Variants in CEACAM19 observed in about 807,000 individuals in gnomAD.
CEACAM19 encodes cell adhesion molecule CEACAM19.
A neutral mutation model predicts 37.6 loss-of-function variants in CEACAM19; 37 were observed. The ratio of observed to expected loss-of-function variants is 0.98; its 90% CI spans 0.76 to 1.29. The LOEUF (loss-of-function observed/expected upper bound fraction) is 1.29. Ranked by LOEUF, CEACAM19 falls within the 50% of genes most tolerant of loss-of-function variation. CEACAM19 has a pLI of 0.00. For synonymous variants in CEACAM19, 140 were observed against 149.8 expected (o/e 0.93, Z 0.48); for missense variants, 340 against 375.6 (o/e 0.91, Z 0.78).
rs765102638 is a variant in CEACAM19, at chr19:44,672,761, G to C, written c.221G>C (p.Gly74Ala). ...NWYLGEETYGGTRLFTYIPGI... is the reference protein window; with the variant it reads ...NWYLGEETYGATRLFTYIPGI... The stretch of plus-strand genomic sequence containing the variant: ...TACCTGGGGGAGGAGACGTACGGAG[G>C]CACGAGGCTATTTACCTACATCCCT... The change falls in exon 2 of 8, where the codon GGC (glycine) becomes GCC (alanine). Residue 74 changes from glycine (G) to alanine (A), a missense_variant. Gly to Ala is a moderately conservative substitution (Grantham distance 60). Coordinates refer to ENST00000358777, the MANE Select transcript of CEACAM19 (RefSeq NM_001127893.3). 1.9e-6 allele frequency: 3 copies of C among 1,581,062 alleles called. No homozygotes were observed. The highest frequency in any genetic ancestry group is 2.6e-6 in the Non-Finnish European group (3 of 1,161,604).
Position 44,680,346 on chromosome 19 carries a change from G to C in CEACAM19, c.706+12G>C, listed in dbSNP as rs1336600515. ...TGCTCATGATGCTGGTAAGGCGGGA[G>C]CCCCAGATCTCACTACCTAGCCCTC... On this transcript the variant is annotated intron_variant, in intron 5 of 7. Coordinates refer to ENST00000358777, the MANE Select transcript of CEACAM19 (RefSeq NM_001127893.3). 1 of 1,608,024 alleles carries C rather than the reference G, an allele frequency of 6.2e-7. No homozygotes were observed. Among genetic ancestry groups the C allele is most frequent in the East Asian group, 2.2e-5 (1 of 44,774 alleles).
chr19:44,672,837 C>T lies in CEACAM19; in HGVS notation c.297C>T (p.Ile99=), dbSNP rs764374932. Residue 99 remains isoleucine (I), a synonymous_variant, in exon 2 of 8, where the codon ATC becomes ATT. Transcript: ENST00000358777. ...RDGSAMGQRD[I]VGFPNGSMLL... ...GCAGTGCCATGGGACAGCGAGACAT[C>T]GTGGGCTTCCCCAATGGTTCCATGC... 1.3e-5 allele frequency: 21 copies of T among 1,601,254 alleles called. No individual in the cohort carries two copies. The highest frequency in any genetic ancestry group is 1.2e-4 in the South Asian group (11 of 88,926).
chr19:44,675,991 G>A (rs1468928617), intron 2 of CEACAM19, among the ~76,000 whole-genome samples: 1 of 151,682 alleles, frequency 6.6e-6, no homozygotes, highest in Non-Finnish European at 1.5e-5. Flanking sequence ...GGCTGGTCTT[G>A]AACTCCTGGG....
intron 3 of CEACAM19, among the ~76,000 whole-genome samples, chr19:44,677,138 T>A (rs1186186345): frequency 1.3e-5 from 2 of 152,142 alleles, no homozygotes; most frequent in Non-Finnish European, 2.9e-5. Flanking sequence ...GACCACCTTG[T>A]TCCTGGTAGT....
At chr19:44,669,485 A>G (rs774368957), upstream of CEACAM19, among the ~76,000 whole-genome samples, 47 of 151,956 alleles carry the variant, frequency 3.1e-4, no homozygotes, top group Non-Finnish European at 2.2e-4. Flanking sequence ...GCATAACACT[A>G]GACCCTCCAT....
upstream of CEACAM19, among the ~76,000 whole-genome samples, chr19:44,666,487 TG>T (rs1312314864): frequency 2.6e-5 from 4 of 152,152 alleles, no homozygotes; most frequent in African/African-American, 7.2e-5. Context: ...CTGGCCAACA[TG>T]GTGAAACCTC....
At chr19:44,676,092 T>C (rs1482336647) in intron 2 of CEACAM19, among the ~76,000 whole-genome samples, 179 bp from the exon 3 acceptor site, 1 of 152,050 alleles carries the variant, frequency 6.6e-6, no homozygotes, top group East Asian at 1.9e-4. Context: ...TTGGATTTTA[T>C]GTGCCACCCA....
At chr19:44,676,753 A>G (rs949583733) in intron 3 of CEACAM19, among the ~76,000 whole-genome samples, 1 of 152,086 alleles carries the variant, frequency 6.6e-6, no homozygotes, top group Admixed American at 6.6e-5. Flanking sequence ...CCTCCCAGGT[A>G]GCTGAGACTA....
chr19:44,679,766 T>TAAA, intron 4 of CEACAM19, among the ~76,000 whole-genome samples: 1 of 105,634 alleles, frequency 9.5e-6, no homozygotes, highest in East Asian at 2.6e-4. Flanking sequence ...AAAATTAAAA[T>TAAA]AAAATAAAAT....
chr19:44,671,409 C>G, upstream of CEACAM19: 2 of 368,218 alleles, frequency 5.4e-6, no homozygotes. Context: ...CGTGAGCCAC[C>G]GCACCCAGCC....
At chr19:44,675,203 A>C (rs1288676834) in intron 2 of CEACAM19, among the ~76,000 whole-genome samples, 1 of 151,646 alleles carries the variant, frequency 6.6e-6, no homozygotes, top group Non-Finnish European at 1.5e-5. Context: ...CAGACGAACC[A>C]AGTCACAGAG....
intron 6 of CEACAM19, 24 bp downstream of exon 6, chr19:44,681,336 C>A (rs376536701): frequency 5.2e-5 from 81 of 1,557,908 alleles, no homozygotes; most frequent in Non-Finnish European, 6.8e-5. Flanking sequence ...CCAGCCTCTC[C>A]CCTGAAGCCA....
chr19:44,671,355 C>T (rs540940282), upstream of CEACAM19: 201 of 257,306 alleles, frequency 7.8e-4, no homozygotes, highest in Non-Finnish European at 1.2e-3. Context: ...TTCCTCACCT[C>T]GTGATCTACC....
At chr19:44,675,563 A>G (rs895437363) in intron 2 of CEACAM19, among the ~76,000 whole-genome samples, 1 of 152,050 alleles carries the variant, frequency 6.6e-6, no homozygotes, top group South Asian at 2.1e-4. Context: ...AGGCAGTAGA[A>G]CTACTTGAGT....
At chr19:44,680,443 C>T (rs911744069) in intron 5 of CEACAM19, 109 bp downstream of exon 5, 16 of 1,027,874 alleles carry the variant, frequency 1.6e-5, no homozygotes, top group Non-Finnish European at 2.2e-5. Context: ...CCTCCCAATG[C>T]ACCTGCCCCG....
At chr19:44,666,531 G>A (rs1319326306), upstream of CEACAM19, among the ~76,000 whole-genome samples, 3 of 152,158 alleles carry the variant, frequency 2.0e-5, no homozygotes, top group Non-Finnish European at 2.9e-5. Flanking sequence ...TAAGCCGGGC[G>A]TGGTGGCGTG....
Position 44,683,479 on chromosome 19 carries a change from C to A in CEACAM19, c.889C>A (p.Pro297Thr). Reference sequence around the variant, plus strand: ...CCCTGCCCCCTACTGCCAGCTGGTGCCAACTTCCTGATGGGTCCTGGGCCA... The same window carrying A: ...CCCTGCCCCCTACTGCCAGCTGGTGACAACTTCCTGATGGGTCCTGGGCCA... Reference protein sequence around the residue: ...PDPAPYCQLVPTS With the variant: ...PDPAPYCQLVTTS Residue 297 changes from proline (P) to threonine (T), a missense_variant, in exon 8 of 8, where the codon CCA (proline) becomes ACA (threonine). Physicochemically the swap from Pro to Thr is conservative, Grantham distance 38. Transcript: ENST00000358777. The A allele has an allele frequency of 6.4e-7, 1 of 1,563,162 alleles. No individual in the cohort carries two copies. Among genetic ancestry groups the A allele is most frequent in the Non-Finnish European group, 8.7e-7 (1 of 1,151,852 alleles).
intron 5 of CEACAM19, 35 bp from the exon 6 acceptor site, chr19:44,681,192 G>A (rs748681274): frequency 4.5e-5 from 66 of 1,478,620 alleles, no homozygotes; most frequent in Non-Finnish European, 5.9e-5. Context: ...TGGGGCCCAT[G>A]TGTCAGCTGG....
At chr19:44,666,775 A>G (rs1973721774), upstream of CEACAM19, among the ~76,000 whole-genome samples, 1 of 151,856 alleles carries the variant, frequency 6.6e-6, no homozygotes, top group African/African-American at 2.4e-5. Context: ...GGGAAAATAC[A>G]CTTCTCTTGA....
Sources: allele counts gnomAD v4.1 joint callset (sites outside exome capture counted in the v4.1 genomes callset), GRCh38; gene constraint gnomAD v4.1.1; transcripts MANE v1.5; gene names NCBI Gene and HGNC (gene_info 2026-07-23, HGNC 2026-07-21).